FEZ2: variants seen among roughly 807,000 people sequenced by gnomAD.
The protein encoded by FEZ2 is fasciculation and elongation protein zeta 2.
A neutral mutation model predicts 40.4 loss-of-function variants in FEZ2; 51 were observed. That is an observed-to-expected ratio of 1.26 (90% confidence interval 1.01 to 1.59). The LOEUF (loss-of-function observed/expected upper bound fraction) is 1.59, where lower values mean the gene tolerates loss of function less well. Among genes scored for constraint, FEZ2 ranks in the 40% most tolerant of loss-of-function variants. The pLI is 0.00. For synonymous variants in FEZ2, 242 were observed against 172.0 expected (o/e 1.41, Z -3.18); for missense variants, 640 against 438.3 (o/e 1.46, Z -4.11).
chr2:36,571,732 A>G (rs1221599846), intron 5 of FEZ2, among the ~76,000 whole-genome samples: 3 of 151,802 alleles, frequency 2.0e-5, no homozygotes, highest in African/African-American at 2.4e-5. Context: ...AAGGCTGGGC[A>G]CTGTGGCTCA....
At chr2:36,596,610 T>TGC (rs1279098093) in intron 1 of FEZ2, among the ~76,000 whole-genome samples, 1 of 152,136 alleles carries the variant, frequency 6.6e-6, no homozygotes, top group African/African-American at 2.4e-5. Context: ...ACCACGGGCA[T>TGC]GCGCCACCGG....
chr2:36,553,145 G>T lies in FEZ2; in HGVS notation c.*18C>A, dbSNP rs567071887. On this transcript the variant is annotated 3_prime_UTR_variant, in exon 8 of 8. Transcript: ENST00000405912. ...TCGGAAATCTAGCTTGGAGCCCACC[G>T]CAGATAAAGTTGCTGCTCTATGTAG... 2 of 1,563,206 alleles carry T rather than the reference G, an allele frequency of 1.3e-6. No homozygotes were observed. The highest frequency in any genetic ancestry group is 1.7e-6 in the Non-Finnish European group (2 of 1,151,128).
chr2:36,596,385 C>CT (rs1285473320), intron 1 of FEZ2, among the ~76,000 whole-genome samples: 1 of 152,224 alleles, frequency 6.6e-6, no homozygotes, highest in East Asian at 1.9e-4. Context: ...GACTCCTGTC[C>CT]TGTCTCTCAA....
At chr2:36,591,220 AG>A (rs1669063340) in intron 1 of FEZ2, 7 of 570,668 alleles carry the variant, frequency 1.2e-5, no homozygotes, top group Admixed American at 3.1e-5. Context: ...AGAAGTCCTA[AG>A]GGAAGGTGAA....
At chr2:36,597,816 G>A (rs1669275816) in intron 1 of FEZ2, 61 bp downstream of exon 1, 48 of 1,202,930 alleles carry the variant, frequency 4.0e-5, no homozygotes, top group Non-Finnish European at 4.9e-5. Context: ...CCGTAGGGCT[G>A]CCGGTCGGGC....
chr2:36,554,615 A>G (rs1346017940), intron 7 of FEZ2, among the ~76,000 whole-genome samples: 1 of 152,128 alleles, frequency 6.6e-6, no homozygotes, highest in Non-Finnish European at 1.5e-5. Flanking sequence ...AAAAAAGCTT[A>G]TTTTTTAAAA....
intron 4 of FEZ2, among the ~76,000 whole-genome samples, chr2:36,579,422 G>C (rs952783595): frequency 6.6e-6 from 1 of 152,172 alleles, no homozygotes; most frequent in African/African-American, 2.4e-5. Flanking sequence ...TGTGATGCTG[G>C]AGGTGGGGCT....
At position 36,552,574 on chromosome 2, in the gene FEZ2, A is replaced by C. The variant is rs1278097436; in HGVS notation, c.*589T>G. On this transcript the variant is annotated 3_prime_UTR_variant, in exon 8 of 8. Transcript: ENST00000405912. Reference sequence around the variant, plus strand: ...AATGGTTAAAATTTGACCAGTGGTGAAACAAGCAGCAAGCTACAAAATCCA... The same window carrying C: ...AATGGTTAAAATTTGACCAGTGGTGCAACAAGCAGCAAGCTACAAAATCCA... The C allele has an allele frequency of 4.0e-6, 1 of 247,646 alleles. No individual in the cohort carries two copies. The highest frequency in any genetic ancestry group is 8.0e-6 in the Non-Finnish European group (1 of 125,392). The allele number at this position is 247,646 out of a possible 1,614,324, so 15.3% of individuals were successfully genotyped here. A position where few individuals can be genotyped will look rare whatever the true frequency, so the allele number is the denominator to read the frequency against.
intron 1 of FEZ2, among the ~76,000 whole-genome samples, chr2:36,593,823 G>C (rs1269006395): frequency 6.7e-6 from 1 of 149,382 alleles, no homozygotes; most frequent in African/African-American, 2.5e-5. Flanking sequence ...CAGCTAGCTT[G>C]AATTTCTCCC....
intron 3 of FEZ2, 70 bp from the exon 4 acceptor site, chr2:36,581,501 T>G: frequency 7.2e-7 from 1 of 1,393,202 alleles, no homozygotes; most frequent in Non-Finnish European, 1.0e-6. Context: ...AACACAGTGC[T>G]CACCTAAGGC....
intron 4 of FEZ2, among the ~76,000 whole-genome samples, chr2:36,579,873 C>G (rs1668681948): frequency 6.6e-6 from 1 of 152,126 alleles, no homozygotes; most frequent in Non-Finnish European, 1.5e-5. Context: ...CCCACAGGGC[C>G]TCAGAATGTG....
chr2:36,582,773 T>C (rs1386924587), intron 3 of FEZ2, among the ~76,000 whole-genome samples: 2 of 152,220 alleles, frequency 1.3e-5, no homozygotes, highest in Non-Finnish European at 2.9e-5. Flanking sequence ...CGAGTAGCCA[T>C]GGAACATTTT....
intron 1 of FEZ2, among the ~76,000 whole-genome samples, chr2:36,596,742 A>C (rs969750496): frequency 2.0e-5 from 3 of 152,108 alleles, no homozygotes; most frequent in African/African-American, 7.2e-5. Context: ...TGCTGGGATC[A>C]CAGGTGTGAG....
chr2:36,591,727 G>A (rs143320644), intron 1 of FEZ2, among the ~76,000 whole-genome samples: 1 of 152,228 alleles, frequency 6.6e-6, no homozygotes, highest in Non-Finnish European at 1.5e-5. Context: ...GGAGGCAAGA[G>A]GGTCAAATGG....
intron 4 of FEZ2, 40 bp from the exon 5 acceptor site, chr2:36,578,905 A>T: frequency 6.4e-7 from 1 of 1,571,842 alleles, no homozygotes; most frequent in East Asian, 2.2e-5. Context: ...TTAAGACAAA[A>T]ACATTTCAAG....
intron 5 of FEZ2, among the ~76,000 whole-genome samples, chr2:36,567,864 C>T (rs977006647): frequency 3.3e-5 from 5 of 151,992 alleles, no homozygotes; most frequent in African/African-American, 9.7e-5. Flanking sequence ...GAGACCAGGG[C>T]AGTGAGACCA....
chr2:36,555,951 A>G, intron 6 of FEZ2: 1 of 672,040 alleles, frequency 1.5e-6, no homozygotes, highest in South Asian at 1.5e-5. Context: ...ACAAGAATTT[A>G]TTTTCGGTAA....
intron 7 of FEZ2, chr2:36,554,124 G>A (rs1667893972): frequency 2.3e-6 from 1 of 441,616 alleles, no homozygotes; most frequent in Admixed American, 2.6e-5. Context: ...CATGCACACA[G>A]ACAGCTCATC....
intron 2 of FEZ2, among the ~76,000 whole-genome samples, chr2:36,584,544 G>A (rs998371080): frequency 6.6e-6 from 1 of 152,186 alleles, no homozygotes; most frequent in African/African-American, 2.4e-5. Context: ...GACTATTCAG[G>A]TGTTGAATGG....
Sources: gnomAD v4.1 joint callset for allele counts (sites outside exome capture counted in the v4.1 genomes callset) on GRCh38, gnomAD v4.1.1 for gene constraint, MANE v1.5 for transcripts, NCBI Gene and HGNC (gene_info 2026-07-23, HGNC 2026-07-21) for gene names.